Variants in NIPSNAP2 observed in about 807,000 individuals in gnomAD.
NIPSNAP2 encodes nipsnap homolog 2.
In NIPSNAP2, 42 loss-of-function variants were observed where a neutral mutation model predicts 48.4. That is an observed-to-expected ratio of 0.87 (90% CI 0.68 to 1.12). The LOEUF is 1.12. Among genes scored for constraint, NIPSNAP2 ranks in the 50% most tolerant of loss-of-function variants. NIPSNAP2 has a pLI of 0.00. For missense variants in NIPSNAP2, 314 were observed against 347.3 expected (o/e 0.90, Z 0.76); for synonymous variants, 158 against 126.6 (o/e 1.25, Z -1.67).
Position 55,998,493 on chromosome 7 carries a change from G to GTTTTTT in NIPSNAP2, c.797-494_797-489dup, listed in dbSNP as rs1164855630. 1.6e-3 allele frequency among the ~76,000 whole-genome samples: 101 copies of GTTTTTT among 63,198 alleles called. 25 individuals carry two copies. The highest frequency in any genetic ancestry group is 2.7e-3 in the Admixed American group (12 of 4,448). 41.5% of individuals were successfully genotyped at this position (63,198 alleles called of 152,430 possible). A position where few individuals can be genotyped will look rare whatever the true frequency, so the allele number is the denominator to read the frequency against. On this transcript the variant is annotated intron_variant, in intron 9 of 9. Coordinates refer to ENST00000322090, the MANE Select transcript of NIPSNAP2 (RefSeq NM_001483.3). ...TAAAACAAATATCCAGGTAGGATCTGTTTTTTTTTTTTTTTTTTTTTTTTT... is the reference window on the plus strand; with the variant it reads ...TAAAACAAATATCCAGGTAGGATCTGTTTTTTTTTTTTTTTTTTTTTTTTTTTTTTT...
intron 1 of NIPSNAP2, among the ~76,000 whole-genome samples, chr7:55,976,179 A>G (rs1490791149): frequency 6.9e-6 from 1 of 145,066 alleles, no homozygotes; most frequent in Admixed American, 6.9e-5. Flanking sequence ...TTAACAGCTC[A>G]CTCTGTATGT....
intron 7 of NIPSNAP2, among the ~76,000 whole-genome samples, chr7:55,987,240 T>G (rs1299200849): frequency 6.6e-6 from 1 of 152,120 alleles, no homozygotes; most frequent in African/African-American, 2.4e-5. Context: ...AAAGCAGATC[T>G]CAAAAAGATT....
In NIPSNAP2 at chr7:55,996,297, AAAAAG is replaced by A. The variant is rs1377293041; in HGVS notation, c.713-1060_713-1056del. Among the ~76,000 whole-genome samples, 14 of 151,924 alleles carry A rather than the reference AAAAAG, an allele frequency of 9.2e-5. No individual in the cohort carries two copies. The East Asian group carries it at 1.5e-3, about 17-fold the overall frequency. ...CAAGACTCCGTCTCAAAAAAAAAAA[AAAAAG>A]AAAAGAAACCAAGGCATCTGGATGA... is the stretch of plus-strand genomic sequence containing the variant. On this transcript the variant is annotated intron_variant, in intron 8 of 9. Coordinates refer to ENST00000322090, the MANE Select transcript of NIPSNAP2 (RefSeq NM_001483.3).
rs778238159 is a variant in NIPSNAP2, at chr7:55,997,370, C to G, written c.717C>G (p.Tyr239Ter). ...CTCTGTGTGGTTATTTTTAAGCTTA[C>G]AGGGATCTTCAGACCAGGGAAGACA... ...QLYMVHHLWA[Y>*]RDLQTREDIR... Residue 239 changes from tyrosine (Y) to a stop codon, truncating the protein, a stop_gained, in exon 9 of 10, where the codon TAC (tyrosine) becomes TAG (stop). Transcript: ENST00000322090. LOFTEE classifies it high-confidence loss of function. 6.2e-7 allele frequency: 1 copy of G among 1,612,544 alleles called. No individual in the cohort carries two copies. The highest frequency in any genetic ancestry group is 1.1e-5 in the South Asian group (1 of 91,046).
chr7:55,985,458 G>C (rs538314902), intron 7 of NIPSNAP2, among the ~76,000 whole-genome samples: 22 of 152,124 alleles, frequency 1.4e-4, no homozygotes, highest in African/African-American at 5.1e-4. Flanking sequence ...AGACTAGCCA[G>C]GTGCACTGTG....
intron 1 of NIPSNAP2, among the ~76,000 whole-genome samples, chr7:55,975,106 A>T (rs1219367121): frequency 6.6e-6 from 1 of 151,650 alleles, no homozygotes; most frequent in Admixed American, 6.6e-5. Context: ...AAATCTCAAC[A>T]CTTCAGGAGG....
chr7:55,981,477 G>C lies in NIPSNAP2; in HGVS notation c.283G>C (p.Glu95Gln). 1 of 1,613,032 alleles carries C rather than the reference G, an allele frequency of 6.2e-7. No individual in the cohort carries two copies. The highest frequency in any genetic ancestry group is 1.1e-5 in the South Asian group (1 of 90,986). Residue 95 changes from glutamate to glutamine, a missense_variant, in exon 4 of 10, where the codon GAG becomes CAG. Around this residue, in one of 2 missense-constraint regions of NIPSNAP2, gnomAD observed 198 missense variants for 185.5 expected, o/e 1.07. Coordinates refer to ENST00000322090, the MANE Select transcript of NIPSNAP2 (RefSeq NM_001483.3). ...TTGCTGTTTCTTCTCTTTAAGTCAAGAGGTGTTGCCAAAGATTCACGAAGA... is the reference window on the plus strand; with the variant it reads ...TTGCTGTTTCTTCTCTTTAAGTCAACAGGTGTTGCCAAAGATTCACGAAGA... ...CLEAYNKICQ[E>Q]VLPKIHEDKH...
chr7:55,970,046 G>T (rs1302674162), intron 1 of NIPSNAP2, among the ~76,000 whole-genome samples: 1 of 150,174 alleles, frequency 6.7e-6, no homozygotes, highest in Non-Finnish European at 1.5e-5. Flanking sequence ...GCCTCATCCT[G>T]TGGTCTCAGC....
At chr7:55,991,198 A>G (rs1195710952) in intron 7 of NIPSNAP2, among the ~76,000 whole-genome samples, 1 of 152,102 alleles carries the variant, frequency 6.6e-6, no homozygotes, top group Non-Finnish European at 1.5e-5. Context: ...TTTCTAATGA[A>G]CCTTTCCTCC....
intron 9 of NIPSNAP2, among the ~76,000 whole-genome samples, chr7:55,998,681 A>G (rs1191145819): frequency 3.3e-5 from 5 of 151,444 alleles, no homozygotes; most frequent in African/African-American, 9.7e-5. Context: ...TTGTATTTTT[A>G]CTAGAGACAG....
intron 1 of NIPSNAP2, among the ~76,000 whole-genome samples, chr7:55,966,180 A>G (rs1786892817): frequency 1.3e-5 from 2 of 152,206 alleles, no homozygotes. Flanking sequence ...ACGCAAACAG[A>G]CAGTTGGCAG....
chr7:55,971,720 G>C (rs1787018737), intron 1 of NIPSNAP2, among the ~76,000 whole-genome samples: 1 of 151,958 alleles, frequency 6.6e-6, no homozygotes, highest in Non-Finnish European at 1.5e-5. Flanking sequence ...TGCTCAGTTG[G>C]GGTGATTTTT....
At chr7:55,994,635 C>G (rs1440698127) in intron 7 of NIPSNAP2, among the ~76,000 whole-genome samples, 1 of 152,174 alleles carries the variant, frequency 6.6e-6, no homozygotes, top group African/African-American at 2.4e-5. Flanking sequence ...ATGGCTCGAA[C>G]CCAGGAGGTG....
intron 2 of NIPSNAP2, 29 bp downstream of exon 2, chr7:55,978,294 T>A (rs780603074): frequency 6.2e-7 from 1 of 1,613,316 alleles, no homozygotes; most frequent in South Asian, 1.1e-5. Flanking sequence ...ATCTTCATAG[T>A]TGACTTTTTT....
intron 1 of NIPSNAP2, 46 bp downstream of exon 1, chr7:55,964,747 G>T: frequency 1.0e-6 from 1 of 976,288 alleles, no homozygotes; most frequent in South Asian, 4.9e-5. Context: ...AGGGGCCGCC[G>T]CGAGGCGGAG....
intron 7 of NIPSNAP2, among the ~76,000 whole-genome samples, chr7:55,988,830 A>C (rs1787385472): frequency 6.6e-6 from 1 of 151,876 alleles, no homozygotes; most frequent in Non-Finnish European, 1.5e-5. Flanking sequence ...ACGCCTCTGC[A>C]CTCCAGCCTG....
chr7:55,996,531 C>T (rs540651553), intron 8 of NIPSNAP2, among the ~76,000 whole-genome samples: 25 of 152,274 alleles, frequency 1.6e-4, no homozygotes, highest in African/African-American at 6.0e-4. Context: ...CAACTGACCT[C>T]GCCTGCCTCA....
Position 55,964,645 on chromosome 7 carries a change from C to T in NIPSNAP2, c.36C>T (p.Ala12=). The T allele has an allele frequency of 6.4e-6, 7 of 1,089,930 alleles. No individual in the cohort carries two copies. Among genetic ancestry groups the T allele is most frequent in the Non-Finnish European group, 7.8e-6 (7 of 898,240 alleles). 67.5% of individuals were successfully genotyped at this position (1,089,930 alleles called of 1,614,324 possible). ...AARVLRARGA[A]WAGGLLQRAA... ...GAGTGCTGCGCGCCCGCGGAGCGGC[C>T]TGGGCCGGCGGCCTCCTGCAGCGGG... The change falls in exon 1 of 10, where the codon GCC becomes GCT. Residue 12 remains alanine, a synonymous_variant. Coordinates refer to ENST00000322090, the MANE Select transcript of NIPSNAP2 (RefSeq NM_001483.3).
intron 7 of NIPSNAP2, among the ~76,000 whole-genome samples, chr7:55,986,609 C>G (rs1027726104): frequency 2.0e-5 from 3 of 151,882 alleles, no homozygotes; most frequent in African/African-American, 7.3e-5. Context: ...TTGTAGTGAG[C>G]CAAGATCACC....
Sources: allele counts gnomAD v4.1 joint callset (sites outside exome capture counted in the v4.1 genomes callset), GRCh38; gene constraint gnomAD v4.1.1; regional missense constraint gnomAD v4.1.1; transcripts MANE v1.5; gene names NCBI Gene and HGNC (gene_info 2026-07-23, HGNC 2026-07-21).